SEMA5A: variants seen among roughly 807,000 people sequenced by gnomAD.
The protein encoded by SEMA5A is semaphorin 5A, also known as semaphorin-5A.
In SEMA5A, 55 loss-of-function variants were observed where a neutral mutation model predicts 135.5. That is an observed-to-expected ratio of 0.41 (90% CI 0.33 to 0.51). The LOEUF (loss-of-function observed/expected upper bound fraction) is 0.51. Ranked by LOEUF, SEMA5A falls within the 20% of genes least tolerant of loss-of-function variation. The pLI is 0.37. For synonymous variants in SEMA5A, 580 were observed against 546.5 expected (o/e 1.06, Z -0.85); for missense variants, 1,290 against 1,419.9 (o/e 0.91, Z 1.47).
chr5:9,202,563 T>C (rs1268511244), intron 8 of SEMA5A, among the ~76,000 whole-genome samples: 1 of 152,224 alleles, frequency 6.6e-6, no homozygotes, highest in Non-Finnish European at 1.5e-5. Context: ...TAGAGCAATA[T>C]GTATTACTTT....
intron 8 of SEMA5A, among the ~76,000 whole-genome samples, chr5:9,217,356 T>C (rs1012447109): frequency 6.6e-6 from 1 of 152,172 alleles, no homozygotes; most frequent in Admixed American, 6.5e-5. Flanking sequence ...AGCTGAGAGG[T>C]CCACTGTTAG....
chr5:9,489,253 CATAT>C (rs5865837), intron 1 of SEMA5A, among the ~76,000 whole-genome samples: 145,143 of 151,652 alleles, frequency 0.96, 69,653 homozygotes, highest in Non-Finnish European at 0.97. Flanking sequence ...CAAATGTTAG[CATAT>C]ATATATATAT....
At chr5:9,456,041 T>A (rs1298061604) in intron 1 of SEMA5A, among the ~76,000 whole-genome samples, 2 of 152,162 alleles carry the variant, frequency 1.3e-5, no homozygotes, top group African/African-American at 2.4e-5. Flanking sequence ...TTAAAAAGAA[T>A]CAAGTCTCTG....
At chr5:9,163,609 T>G (rs1419793054) in intron 11 of SEMA5A, among the ~76,000 whole-genome samples, 1 of 152,220 alleles carries the variant, frequency 6.6e-6, no homozygotes, top group African/African-American at 2.4e-5. Flanking sequence ...TGAGCTGAAC[T>G]GTGTCCACCC....
intron 2 of SEMA5A, among the ~76,000 whole-genome samples, chr5:9,384,335 C>A (rs753951183): frequency 2.0e-5 from 3 of 152,026 alleles, no homozygotes; most frequent in African/African-American, 4.8e-5. Context: ...CATACCAGGG[C>A]TTTTAGTGCT....
At chr5:9,455,059 G>A (rs1284843238) in intron 1 of SEMA5A, among the ~76,000 whole-genome samples, 1 of 152,040 alleles carries the variant, frequency 6.6e-6, no homozygotes, top group Non-Finnish European at 1.5e-5. Context: ...TAATTTATGA[G>A]TGACAAATCA....
intron 8 of SEMA5A, among the ~76,000 whole-genome samples, chr5:9,213,340 G>C (rs142035971): frequency 6.6e-6 from 1 of 152,216 alleles, no homozygotes; most frequent in African/African-American, 2.4e-5. Flanking sequence ...AGAAAAAGAC[G>C]TTAAGTCCTG....
intron 5 of SEMA5A, among the ~76,000 whole-genome samples, chr5:9,309,680 G>A (rs1752034457): frequency 6.6e-6 from 1 of 152,070 alleles, no homozygotes; most frequent in Middle Eastern, 3.2e-3. Context: ...TAAGTCTTCT[G>A]CATGTGAATG....
intron 5 of SEMA5A, among the ~76,000 whole-genome samples, chr5:9,247,048 CTT>C (rs1748518694): frequency 6.6e-6 from 1 of 152,104 alleles, no homozygotes; most frequent in African/African-American, 2.4e-5. Context: ...AAGTACCAAT[CTT>C]TTTATTTTGA....
At chr5:9,186,875 T>C (rs185218061) in intron 11 of SEMA5A, among the ~76,000 whole-genome samples, 5 of 152,338 alleles carry the variant, frequency 3.3e-5, no homozygotes, top group African/African-American at 1.2e-4. Flanking sequence ...TAATGTTAAC[T>C]ACAGTTGCCA....
chr5:9,403,770 G>C (rs944486270), intron 2 of SEMA5A, among the ~76,000 whole-genome samples: 1 of 152,186 alleles, frequency 6.6e-6, no homozygotes, highest in African/African-American at 2.4e-5. Flanking sequence ...ATTAAAATAG[G>C]AGGGAACGAG....
At chr5:9,098,428 C>A in intron 16 of SEMA5A, among the ~76,000 whole-genome samples, 1 of 152,032 alleles carries the variant, frequency 6.6e-6, no homozygotes. Flanking sequence ...ACTAAAAAGC[C>A]CAGTGAGTGT....
chr5:9,303,097 T>C (rs1215671304), intron 5 of SEMA5A, among the ~76,000 whole-genome samples: 4 of 150,352 alleles, frequency 2.7e-5, no homozygotes, highest in Admixed American at 2.7e-4. Context: ...CACACACACA[T>C]ACACACACAT....
At chr5:9,243,588 T>C (rs1399126072) in intron 5 of SEMA5A, among the ~76,000 whole-genome samples, 2 of 152,150 alleles carry the variant, frequency 1.3e-5, no homozygotes, top group Non-Finnish European at 2.9e-5. Context: ...TGCCACAAAT[T>C]AGTTGCCAAT....
chr5:9,398,053 G>A (rs414115), intron 2 of SEMA5A, among the ~76,000 whole-genome samples: 28,859 of 152,108 alleles, frequency 0.19, 3,108 homozygotes, highest in East Asian at 0.39. Flanking sequence ...AAAATAGAGT[G>A]CAATGATATG....
intron 13 of SEMA5A, among the ~76,000 whole-genome samples, chr5:9,135,544 G>C (rs3822764): frequency 2.0e-5 from 3 of 151,792 alleles, no homozygotes; most frequent in African/African-American, 7.3e-5. Context: ...TAACAGAAAG[G>C]GTAAGTTCTT....
intron 1 of SEMA5A, among the ~76,000 whole-genome samples, chr5:9,487,231 C>T (rs4702627): frequency 0.34 from 52,330 of 152,060 alleles, 10,275 homozygotes; most frequent in Non-Finnish European, 0.44. Flanking sequence ...AAGAAGTTCA[C>T]ATTAATTATG....
At chr5:9,254,861 A>G (rs1748980577) in intron 5 of SEMA5A, among the ~76,000 whole-genome samples, 1 of 152,210 alleles carries the variant, frequency 6.6e-6, no homozygotes, top group Non-Finnish European at 1.5e-5. Flanking sequence ...AATACAATTA[A>G]TAAAAGATTA....
At chr5:9,495,304 A>G (rs1735244448) in intron 1 of SEMA5A, among the ~76,000 whole-genome samples, 1 of 152,166 alleles carries the variant, frequency 6.6e-6, no homozygotes, top group African/African-American at 2.4e-5. Context: ...ACGTCACACA[A>G]GAGCAAATTC....
Sources: allele counts gnomAD v4.1 joint callset (sites outside exome capture counted in the v4.1 genomes callset), GRCh38; gene constraint gnomAD v4.1.1; transcripts MANE v1.5; gene names NCBI Gene and HGNC (gene_info 2026-07-23, HGNC 2026-07-21).